The following RIMS1 variants were observed in gnomAD, a reference collection of about 807,000 sequenced individuals.
RIMS1 encodes regulating synaptic membrane exocytosis 1, also known as regulating synaptic membrane exocytosis protein 1.
In RIMS1, 83 loss-of-function variants were observed where a neutral mutation model predicts 214.1. The ratio of observed to expected loss-of-function variants is 0.39; its 90% CI spans 0.32 to 0.47. The LOEUF is 0.47. Among genes scored for constraint, RIMS1 ranks in the 20% least tolerant of loss-of-function variants. The probability of loss-of-function intolerance (pLI) is 0.99; values close to 1 mark genes in which losing one functional copy is unlikely to be tolerated. For missense variants in RIMS1, 2,050 were observed against 2,161.8 expected, an observed-to-expected ratio of 0.95 and a Z score of 1.03; for synonymous variants, 793 against 786.8, an observed-to-expected ratio of 1.01 and a Z score of -0.13.
chr6:72,084,863 C>T (rs1224197675), intron 2 of RIMS1, among the ~76,000 whole-genome samples: 1 of 152,010 alleles, frequency 6.6e-6, no homozygotes, highest in Non-Finnish European at 1.5e-5. Flanking sequence ...TTTAACAATG[C>T]TAAATGGGGG....
chr6:72,296,515 A>C (rs1344589110), intron 26 of RIMS1, among the ~76,000 whole-genome samples: 1 of 151,952 alleles, frequency 6.6e-6, no homozygotes, highest in African/African-American at 2.4e-5. Context: ...ATGGGAGAAG[A>C]AAACCATTCA....
At chr6:72,189,543 A>G (rs1357685302) in intron 6 of RIMS1, among the ~76,000 whole-genome samples, 1 of 152,232 alleles carries the variant, frequency 6.6e-6, no homozygotes, top group Non-Finnish European at 1.5e-5. Flanking sequence ...AGGACAAACC[A>G]CTGCCCTTTC....
chr6:72,248,336 C>G (rs2071252596), intron 12 of RIMS1, among the ~76,000 whole-genome samples: 2 of 152,034 alleles, frequency 1.3e-5, no homozygotes, highest in African/African-American at 4.8e-5. Flanking sequence ...TTGCAGTGTG[C>G]CAGATACTCT....
intron 1 of RIMS1, among the ~76,000 whole-genome samples, chr6:71,903,585 AT>A (rs1318628002): frequency 6.6e-6 from 1 of 152,166 alleles, no homozygotes; most frequent in African/African-American, 2.4e-5. Flanking sequence ...AATGGGAGGA[AT>A]TTTTTGCAAC....
At chr6:72,004,835 A>G (rs1302671270) in intron 2 of RIMS1, among the ~76,000 whole-genome samples, 1 of 151,350 alleles carries the variant, frequency 6.6e-6, no homozygotes, top group African/African-American at 2.4e-5. Flanking sequence ...GTTCACTCTG[A>G]TGGTAGTTTC....
At chr6:72,099,380 C>T (rs927718428) in intron 3 of RIMS1, among the ~76,000 whole-genome samples, 8 of 152,024 alleles carry the variant, frequency 5.3e-5, no homozygotes, top group East Asian at 1.9e-4. Context: ...ATATTTCATT[C>T]GGAGCACAAG....
At chr6:71,993,375 A>C (rs1415187247) in intron 2 of RIMS1, among the ~76,000 whole-genome samples, 1 of 152,182 alleles carries the variant, frequency 6.6e-6, no homozygotes, top group African/African-American at 2.4e-5. Context: ...ATCTATGCTC[A>C]TTTCTGTTTG....
At chr6:72,108,188 T>A (rs12213714) in intron 4 of RIMS1, among the ~76,000 whole-genome samples, 2 of 151,944 alleles carry the variant, frequency 1.3e-5, no homozygotes, top group Non-Finnish European at 2.9e-5. Context: ...GGGACTGAGG[T>A]GGCTGAGGCC....
At chr6:72,154,148 A>AGAAGTTAGGGACCCACTTGAGG (rs1423521329) in intron 4 of RIMS1, among the ~76,000 whole-genome samples, 3 of 142,604 alleles carry the variant, frequency 2.1e-5, no homozygotes, top group Non-Finnish European at 1.6e-5. Context: ...GCTGTATATG[A>AGAAGTTAGGGACCCACTTGAGG]AATAGCTACA....
intron 30 of RIMS1, among the ~76,000 whole-genome samples, chr6:72,391,629 A>T (rs1482994214): frequency 6.6e-6 from 1 of 152,210 alleles, no homozygotes; most frequent in Non-Finnish European, 1.5e-5. Context: ...AATTTAACAG[A>T]ATTATGCCAA....
Position 71,944,713 on chromosome 6 carries a change from G to A in RIMS1, c.165-24270G>A, listed in dbSNP as rs990220853. Among the ~76,000 whole-genome samples, 3 of 152,292 alleles carry A rather than the reference G, an allele frequency of 2.0e-5. No homozygotes were observed. The South Asian group carries it at 6.2e-4, about 32-fold the overall frequency. Reference sequence around the variant, plus strand: ...AATAAAATCCATTTGTAACATTGGTGTGTGGACTTTATCTCGTGATCTACA... The same window carrying A: ...AATAAAATCCATTTGTAACATTGGTATGTGGACTTTATCTCGTGATCTACA... On this transcript the variant is annotated intron_variant, in intron 1 of 33. Coordinates refer to ENST00000521978, the MANE Select transcript of RIMS1 (RefSeq NM_014989.7).
chr6:72,260,029 G>C (rs2154158420), intron 18 of RIMS1, among the ~76,000 whole-genome samples: 2 of 152,234 alleles, frequency 1.3e-5, no homozygotes, highest in South Asian at 4.1e-4. Context: ...GTACTAGGAT[G>C]AAGAGCTGCT....
intron 29 of RIMS1, among the ~76,000 whole-genome samples, chr6:72,347,950 T>A (rs1339035745): frequency 1.4e-4 from 21 of 151,754 alleles, no homozygotes; most frequent in Non-Finnish European, 1.5e-5. Context: ...ACGCAACAGG[T>A]TTTTTCTGGT....
At chr6:72,139,067 TACAC>T (rs1313278067) in intron 4 of RIMS1, among the ~76,000 whole-genome samples, 1 of 152,194 alleles carries the variant, frequency 6.6e-6, no homozygotes, top group Non-Finnish European at 1.5e-5. Context: ...TATATGTAGA[TACAC>T]ACACGTAGGT....
intron 2 of RIMS1, among the ~76,000 whole-genome samples, chr6:71,980,371 A>G (rs1798196695): frequency 6.6e-6 from 1 of 152,170 alleles, no homozygotes; most frequent in African/African-American, 2.4e-5. Flanking sequence ...GCACTCATGT[A>G]TTATATGTAT....
intron 1 of RIMS1, among the ~76,000 whole-genome samples, chr6:71,955,053 A>G (rs1426941764): frequency 6.6e-6 from 1 of 152,174 alleles, no homozygotes; most frequent in African/African-American, 2.4e-5. Flanking sequence ...TGTTAAAAAT[A>G]TATTTTATTC....
intron 4 of RIMS1, among the ~76,000 whole-genome samples, chr6:72,111,802 G>A (rs1296870218): frequency 2.6e-5 from 4 of 152,096 alleles, no homozygotes; most frequent in Admixed American, 2.0e-4. Flanking sequence ...TTCCTAGTCT[G>A]CATTCCTTTG....
intron 2 of RIMS1, among the ~76,000 whole-genome samples, chr6:72,070,257 A>G (rs1240686318): frequency 6.6e-6 from 1 of 152,170 alleles, no homozygotes. Context: ...AATATGTAAA[A>G]TGGAAAATCA....
At chr6:72,306,253 T>A (rs1188973119) in intron 26 of RIMS1, among the ~76,000 whole-genome samples, 2 of 149,814 alleles carry the variant, frequency 1.3e-5, no homozygotes, top group African/African-American at 4.9e-5. Flanking sequence ...ACACGCATGC[T>A]CACACACACA....
Sources: gnomAD v4.1 joint callset for allele counts (sites outside exome capture counted in the v4.1 genomes callset) on GRCh38, gnomAD v4.1.1 for gene constraint, MANE v1.5 for transcripts, NCBI Gene and HGNC (gene_info 2026-07-23, HGNC 2026-07-21) for gene names.